CDR2L: variants seen among roughly 807,000 people sequenced by gnomAD.
CDR2L encodes cerebellar degeneration-related protein 2-like.
Under a neutral mutation model 36.1 loss-of-function variants are expected in CDR2L, and 19 were observed. That is an observed-to-expected ratio of 0.53 (90% CI 0.37 to 0.77). The LOEUF is 0.77. CDR2L is among the 30% of genes least tolerant of loss of function. CDR2L has a pLI of 0.00. For synonymous variants in CDR2L, 285 were observed against 280.4 expected, an observed-to-expected ratio of 1.02 and a Z score of -0.16; for missense variants, 575 against 627.2, an observed-to-expected ratio of 0.92 and a Z score of 0.89.
chr17:75,002,060 C>A lies in CDR2L; in HGVS notation c.342-4C>A. On this transcript the variant is annotated splice_region_variant and splice_polypyrimidine_tract_variant and intron_variant, in intron 3 of 4. Coordinates refer to ENST00000337231, the MANE Select transcript of CDR2L (RefSeq NM_014603.3). This position sits in a 1 kb window ranked among gnomAD's most constrained non-coding sequence, Gnocchi z 4.1. ...TCCCTGTGTGTCCACCACCCCGCCC[C>A]CAGGCTGACGGAGACCATTGAGCGC... 1 of 1,575,168 alleles carries A rather than the reference C, an allele frequency of 6.3e-7. No homozygotes were observed. The highest frequency in any genetic ancestry group is 2.3e-5 in the East Asian group (1 of 42,702).
At position 74,989,919 on chromosome 17, in the gene CDR2L, G is replaced by T. The variant is rs768570679; in HGVS notation, c.79+1797G>T. Among the ~76,000 whole-genome samples the T allele has an allele frequency of 6.6e-6, 1 of 152,170 alleles. No homozygotes were observed. Among genetic ancestry groups the T allele is most frequent in the Admixed American group, 6.5e-5 (1 of 15,272 alleles). On this transcript the variant is annotated intron_variant, in intron 1 of 4. Transcript: ENST00000337231. This position sits in a 1 kb window ranked among gnomAD's most constrained non-coding sequence, Gnocchi z 4.2. ...CTCCCGAAGTGCTGGGATTACAGGC[G>T]TGAGCCACCACGCCCGGCTGGTGGC...
At chr17:74,997,055 TCTTTCTTTCTTTCTTTCTTTCTTTCTTTC>T (rs2039831473) in intron 1 of CDR2L, among the ~76,000 whole-genome samples, 1 of 9,670 alleles carries the variant, frequency 1.0e-4, no homozygotes, top group African/African-American at 1.4e-4. Flanking sequence ...TTTCTTTCTT[TCTTTCTTTCTTTCTTTCTTTCTTTCTTTC>T]TTTTTTTTTT....
At position 75,003,094 on chromosome 17, in the gene CDR2L, C is replaced by T. The variant is rs1235079681; in HGVS notation, c.507-89C>T. On this transcript the variant is annotated intron_variant, in intron 4 of 4. Coordinates refer to ENST00000337231, the MANE Select transcript of CDR2L (RefSeq NM_014603.3). ...CCAGAGAACAAGAGAGATGTAAGCG[C>T]CCTGGCTGGGCTGCTCGGCCTTGGC... 6 of 1,376,294 alleles carry T rather than the reference C, an allele frequency of 4.4e-6. No homozygotes were observed. In the South Asian group the frequency reaches 8.2e-5, roughly 19 times the overall value. The allele number at this position is 1,376,294 out of a possible 1,614,324, so 85.3% of individuals were successfully genotyped here.
chr17:74,994,352 C>T lies in CDR2L; in HGVS notation c.80-5152C>T, dbSNP rs566833653. 4.3e-4 allele frequency among the ~76,000 whole-genome samples: 66 copies of T among 152,290 alleles called. 1 individual carries two copies. Among genetic ancestry groups the T allele is most frequent in the South Asian group, 8.3e-4 (4 of 4,826 alleles). On this transcript the variant is annotated intron_variant, in intron 1 of 4. Transcript: ENST00000337231. Reference sequence around the variant, plus strand: ...TTATGCATCTTGATCTGATTTACATCGTCAGCCTAGATTGAGAGCTGTTTT... The same window carrying T: ...TTATGCATCTTGATCTGATTTACATTGTCAGCCTAGATTGAGAGCTGTTTT...
chr17:74,999,325 C>CACAAAAA (rs368672422), intron 1 of CDR2L, among the ~76,000 whole-genome samples, 179 bp from the exon 2 acceptor site: 1 of 150,976 alleles, frequency 6.6e-6, no homozygotes, highest in East Asian at 2.0e-4. Flanking sequence ...CAGACACACA[C>CACAAAAA]AAAAAGAACA....
rs183730785 is a variant in CDR2L, at chr17:74,999,214, G to A, written c.80-290G>A. On this transcript the variant is annotated intron_variant, in intron 1 of 4. Transcript: ENST00000337231. The stretch of plus-strand genomic sequence containing the variant: ...GCTTAGAACCACACCCCTGAGAATC[G>A]TGGCAAAACTTTCACAACCTGGAAA... 4.9e-4 allele frequency among the ~76,000 whole-genome samples: 74 copies of A among 151,922 alleles called. 1 individual carries two copies. The highest frequency in any genetic ancestry group is 1.6e-3 in the African/African-American group (68 of 41,464).
chr17:74,988,562 C>T (rs1423157643), intron 1 of CDR2L, among the ~76,000 whole-genome samples: 1 of 152,274 alleles, frequency 6.6e-6, no homozygotes, highest in South Asian at 2.1e-4. Flanking sequence ...TCCAGCAGCA[C>T]CCGTCCCTGA....
At chr17:75,001,733 A>G (rs2039868352) in intron 3 of CDR2L, among the ~76,000 whole-genome samples, 1 of 152,354 alleles carries the variant, frequency 6.6e-6, no homozygotes, top group African/African-American at 2.4e-5. Context: ...AAACAAAGAC[A>G]TTGTCCTGCC....
In CDR2L at chr17:74,988,003, G is replaced by C; in HGVS notation, c.-41G>C. ...GTCCCGGGCCGCGCGCACCGGCCCTGAGCTGCGCCGCCGCAGCACCCGCCC... is the reference window on the plus strand; with the variant it reads ...GTCCCGGGCCGCGCGCACCGGCCCTCAGCTGCGCCGCCGCAGCACCCGCCC... On this transcript the variant is annotated 5_prime_UTR_variant, in exon 1 of 5. It removes the in-frame stop codon of an upstream open reading frame in the 5' UTR. Transcript: ENST00000337231. The C allele has an allele frequency of 7.1e-7, 1 of 1,404,592 alleles. No individual in the cohort carries two copies. The highest frequency in any genetic ancestry group is 9.5e-7 in the Non-Finnish European group (1 of 1,047,934). The allele number at this position is 1,404,592 out of a possible 1,614,324, so 87.0% of individuals were successfully genotyped here.
In CDR2L at chr17:74,999,559, G is replaced by A; in HGVS notation, c.135G>A (p.Leu45=). ...CTCTGCTGGAGAGGAACAAGGAGCT[G>A]GAGGGGTCCCTGCAGCAGATGTACT... ...GKTLLERNKE[L]EGSLQQMYST... Residue 45 remains leucine (L), a synonymous_variant, in exon 2 of 5, where the codon CTG becomes CTA. Coordinates refer to ENST00000337231, the MANE Select transcript of CDR2L (RefSeq NM_014603.3). The A allele has an allele frequency of 6.3e-7, 1 of 1,589,586 alleles. No individual in the cohort carries two copies. The highest frequency in any genetic ancestry group is 1.2e-5 in the South Asian group (1 of 86,586).
rs2039890119 is a variant in CDR2L, at chr17:75,004,283, C to T, written c.*209C>T. On this transcript the variant is annotated 3_prime_UTR_variant, in exon 5 of 5. Transcript: ENST00000337231. ...GGAGCCCTTGGCCACCTCGCGCCAGCCCAAAGGCGCAGCTCTGAGTTCAAA... is the reference window on the plus strand; with the variant it reads ...GGAGCCCTTGGCCACCTCGCGCCAGTCCAAAGGCGCAGCTCTGAGTTCAAA... The T allele has an allele frequency of 3.6e-6, 2 of 555,006 alleles. No individual in the cohort carries two copies. The highest frequency in any genetic ancestry group is 6.4e-6 in the Non-Finnish European group (2 of 313,358). 34.4% of individuals were successfully genotyped at this position (555,006 alleles called of 1,614,324 possible). A position where few individuals can be genotyped will look rare whatever the true frequency, so the allele number is the denominator to read the frequency against.
At position 74,994,804 on chromosome 17, in the gene CDR2L, G is replaced by T. The variant is rs7211179; in HGVS notation, c.80-4700G>T. Among the ~76,000 whole-genome samples the T allele has an allele frequency of 9.8e-3, 1,489 of 151,616 alleles. 32 individuals are homozygous for T. The highest frequency in any genetic ancestry group is 0.034 in the African/African-American group (1,390 of 41,314). ...AATTTTTTTGTAGAGATGGGGTCTC[G>T]GGTAGGGCGCGATCCCAACACCTTG... On this transcript the variant is annotated intron_variant, in intron 1 of 4. Transcript: ENST00000337231.
chr17:74,993,585 C>T (rs2144858165), intron 1 of CDR2L, among the ~76,000 whole-genome samples: 1 of 152,322 alleles, frequency 6.6e-6, no homozygotes, highest in East Asian at 1.9e-4. Flanking sequence ...TCCGCATTCC[C>T]TTACTAGGTT....
Position 75,002,137 on chromosome 17 carries a change from C to T in CDR2L, c.415C>T (p.Leu139=). 2 of 1,604,294 alleles carry T rather than the reference C, an allele frequency of 1.2e-6. No individual in the cohort carries two copies. Among genetic ancestry groups the T allele is most frequent in the Non-Finnish European group, 1.7e-6 (2 of 1,175,916 alleles). The change falls in exon 4 of 5, where the codon CTG becomes TTG. Residue 139 remains leucine, a synonymous_variant. Coordinates refer to ENST00000337231, the MANE Select transcript of CDR2L (RefSeq NM_014603.3). The surrounding 1 kb of genome is among the most constrained non-coding windows in gnomAD (Gnocchi z 4.1). ...GGCCCAGGTGGAGCAACTGAGAGGCCTGGAACAGCTGCGAGTGCTCCGGGA... is the reference window on the plus strand; with the variant it reads ...GGCCCAGGTGGAGCAACTGAGAGGCTTGGAACAGCTGCGAGTGCTCCGGGA... The part of the protein sequence containing the change: ...LQAQVEQLRG[L]EQLRVLREKR...
Position 74,987,936 on chromosome 17 carries a change from C to A in CDR2L, c.-108C>A. ...GGGGCGCGGCGCGGGCTCTGTAGCCCGAGTTCCCGACGCTGGAGGCCCGGC... is the reference window on the plus strand; with the variant it reads ...GGGGCGCGGCGCGGGCTCTGTAGCCAGAGTTCCCGACGCTGGAGGCCCGGC... On this transcript the variant is annotated 5_prime_UTR_variant, in exon 1 of 5. Transcript: ENST00000337231. 7 of 484,122 alleles carry A rather than the reference C, an allele frequency of 1.4e-5. No individual in the cohort carries two copies. Among genetic ancestry groups the A allele is most frequent in the Non-Finnish European group, 2.0e-5 (6 of 306,522 alleles). 30.0% of individuals were successfully genotyped at this position (484,122 alleles called of 1,614,324 possible). A position where few individuals can be genotyped will look rare whatever the true frequency, so the allele number is the denominator to read the frequency against.
In CDR2L at chr17:74,999,556, G is replaced by A; in HGVS notation, c.132G>A (p.Glu44=). The change falls in exon 2 of 5, where the codon GAG becomes GAA. Residue 44 remains glutamate, a synonymous_variant. Transcript: ENST00000337231. The part of the protein sequence containing the change: ...LGKTLLERNK[E]LEGSLQQMYS... Reference sequence around the variant, plus strand: ...AGACTCTGCTGGAGAGGAACAAGGAGCTGGAGGGGTCCCTGCAGCAGATGT... The same window carrying A: ...AGACTCTGCTGGAGAGGAACAAGGAACTGGAGGGGTCCCTGCAGCAGATGT... 6.3e-7 allele frequency: 1 copy of A among 1,589,608 alleles called. No homozygotes were observed. Among genetic ancestry groups the A allele is most frequent in the South Asian group, 1.2e-5 (1 of 86,562 alleles).
intron 1 of CDR2L, among the ~76,000 whole-genome samples, chr17:74,996,552 C>G (rs1435468116): frequency 1.3e-5 from 2 of 152,082 alleles, no homozygotes; most frequent in African/African-American, 2.4e-5. Flanking sequence ...TCACACAACT[C>G]AGACCCACCA....
rs779285593 is a variant in CDR2L, at chr17:75,003,473, G to A, written c.797G>A (p.Gly266Asp). The change falls in exon 5 of 5, where the codon GGT becomes GAT. Residue 266 changes from glycine to aspartate, a missense_variant. Physicochemically the swap from Gly to Asp is moderately conservative, Grantham distance 94. Coordinates refer to ENST00000337231, the MANE Select transcript of CDR2L (RefSeq NM_014603.3). The stretch of plus-strand genomic sequence containing the variant: ...AAGCAGGCCAAGACCTACCTACTGG[G>A]TCCGGACGACCACCTGGCCGAGGCC... ...QMKQAKTYLLGPDDHLAEALL... is the reference protein window; with the variant it reads ...QMKQAKTYLLDPDDHLAEALL... 2.5e-6 allele frequency: 4 copies of A among 1,569,530 alleles called. No homozygotes were observed. The highest frequency in any genetic ancestry group is 2.4e-5 in the East Asian group (1 of 42,122).
In CDR2L at chr17:75,004,189, G is replaced by C; in HGVS notation, c.*115G>C. The C allele has an allele frequency of 1.1e-6, 1 of 891,924 alleles. No individual in the cohort carries two copies. The highest frequency in any genetic ancestry group is 1.7e-6 in the Non-Finnish European group (1 of 595,830). The allele number at this position is 891,924 out of a possible 1,614,324, so 55.3% of individuals were successfully genotyped here. ...TAGCGGCCTGCCACCACAGCACGCG[G>C]CCTCCTGATCCGGAAGCACGCAGCA... On this transcript the variant is annotated 3_prime_UTR_variant, in exon 5 of 5. Coordinates refer to ENST00000337231, the MANE Select transcript of CDR2L (RefSeq NM_014603.3).
Sources: allele counts gnomAD v4.1 joint callset (sites outside exome capture counted in the v4.1 genomes callset), GRCh38; gene constraint gnomAD v4.1.1; non-coding constraint Gnocchi (gnomAD v3.1); transcripts MANE v1.5; gene names NCBI Gene and HGNC (gene_info 2026-07-23, HGNC 2026-07-21).